LHFPL3: variants seen among roughly 807,000 people sequenced by gnomAD.
LHFPL3 encodes the protein LHFPL tetraspan subfamily member 3.
Under a neutral mutation model 19.3 loss-of-function variants are expected in LHFPL3, and 5 were observed. The ratio of observed to expected loss-of-function variants is 0.26; its 90% CI spans 0.14 to 0.54. LHFPL3 has a LOEUF of 0.54. LHFPL3 is among the 20% of genes least tolerant of loss of function. The pLI, the probability that LHFPL3 is intolerant of heterozygous loss-of-function variation, is 0.94. For missense variants in LHFPL3, 249 were observed against 307.4 expected, an observed-to-expected ratio of 0.81 and a Z score of 1.42; for synonymous variants, 133 against 126.2, an observed-to-expected ratio of 1.05 and a Z score of -0.36.
chr7:104,740,847 A>C (rs1793922873), intron 2 of LHFPL3, among the ~76,000 whole-genome samples: 1 of 152,214 alleles, frequency 6.6e-6, no homozygotes, highest in South Asian at 2.1e-4. Context: ...CACCATATAG[A>C]TTCAGGCTTT....
intron 1 of LHFPL3, among the ~76,000 whole-genome samples, chr7:104,395,703 C>G (rs940513867): frequency 3.3e-5 from 5 of 152,082 alleles, no homozygotes; most frequent in African/African-American, 4.8e-5. Context: ...CTGCTCTGTC[C>G]CAAACATTCA....
chr7:104,833,063 AATATATATAT>A lies in LHFPL3; in HGVS notation c.683-73123_683-73114del, dbSNP rs1562808180. Among the ~76,000 whole-genome samples the A allele has an allele frequency of 1.2e-3, 84 of 71,578 alleles. 3 individuals carry two copies. Among genetic ancestry groups the A allele is most frequent in the African/African-American group, 5.0e-3 (80 of 16,022 alleles). The allele number at this position is 71,578 out of a possible 152,430, so 47.0% of individuals were successfully genotyped here. A position where few individuals can be genotyped will look rare whatever the true frequency, so the allele number is the denominator to read the frequency against. ...TATATATTATATATATATTATATAT[AATATATATAT>A]TATATATATCTAATATATATAATAG... On this transcript the variant is annotated intron_variant, in intron 2 of 2. Transcript: ENST00000424859.
chr7:104,450,428 A>G (rs1032861785), intron 1 of LHFPL3, among the ~76,000 whole-genome samples: 1 of 152,178 alleles, frequency 6.6e-6, no homozygotes, highest in Non-Finnish European at 1.5e-5. Context: ...GTGCAGGGAC[A>G]TGGATGAAGC....
intron 1 of LHFPL3, among the ~76,000 whole-genome samples, chr7:104,559,159 G>A (rs1178756921): frequency 7.1e-6 from 1 of 140,734 alleles, no homozygotes; most frequent in African/African-American, 2.8e-5. Flanking sequence ...ACTTGGCGAT[G>A]CGGGCTCTTT....
intron 1 of LHFPL3, among the ~76,000 whole-genome samples, chr7:104,439,585 A>G (rs140517314): frequency 3.8e-4 from 58 of 152,274 alleles, no homozygotes; most frequent in Non-Finnish European, 6.9e-4. Context: ...CAAATACCAT[A>G]TGATTATCTC....
chr7:104,522,413 G>GC (rs11398628), intron 1 of LHFPL3, among the ~76,000 whole-genome samples: 70,337 of 131,884 alleles, frequency 0.53, 19,563 homozygotes, highest in Middle Eastern at 0.64. Context: ...GGGAGGGATG[G>GC]ATTGGGAGAT....
chr7:104,565,726 TC>T (rs1790107982), intron 1 of LHFPL3, among the ~76,000 whole-genome samples: 1 of 1,436 alleles, frequency 7.0e-4, no homozygotes, highest in Non-Finnish European at 1.2e-3. Flanking sequence ...TGTCTGTCTA[TC>T]TATCTATCTA....
chr7:104,348,627 A>G (rs1414039571), intron 1 of LHFPL3, among the ~76,000 whole-genome samples: 1 of 152,254 alleles, frequency 6.6e-6, no homozygotes, highest in Non-Finnish European at 1.5e-5. Flanking sequence ...AGAGCCAAGT[A>G]AACACTAACA....
intron 2 of LHFPL3, among the ~76,000 whole-genome samples, chr7:104,885,809 T>C (rs1792136416): frequency 6.6e-6 from 1 of 151,540 alleles, no homozygotes; most frequent in East Asian, 2.0e-4. Flanking sequence ...TAATGTCCCA[T>C]TGCATTGAAA....
intron 1 of LHFPL3, among the ~76,000 whole-genome samples, chr7:104,582,415 A>G (rs1237821664): frequency 6.6e-6 from 1 of 151,984 alleles, no homozygotes; most frequent in Non-Finnish European, 1.5e-5. Flanking sequence ...TTGTAAATAG[A>G]AACAGTTTTC....
At chr7:104,884,265 T>A (rs912887584) in intron 2 of LHFPL3, among the ~76,000 whole-genome samples, 1 of 152,198 alleles carries the variant, frequency 6.6e-6, no homozygotes, top group African/African-American at 2.4e-5. Context: ...CTCTTCCCCC[T>A]TCCTCTTTCC....
At chr7:104,599,175 A>G (rs1264232962) in intron 1 of LHFPL3, among the ~76,000 whole-genome samples, 2 of 152,210 alleles carry the variant, frequency 1.3e-5, no homozygotes, top group Admixed American at 6.5e-5. Context: ...AATGATCACA[A>G]GTTTGAAATT....
At chr7:104,671,766 A>G (rs12705259) in intron 1 of LHFPL3, among the ~76,000 whole-genome samples, 19,008 of 152,126 alleles carry the variant, frequency 0.12, 1,422 homozygotes, top group Non-Finnish European at 0.17. Flanking sequence ...AGGACCTTCT[A>G]GGCGCTGAGT....
Position 104,795,901 on chromosome 7 carries a change from G to T in LHFPL3, c.682+58990G>T, listed in dbSNP as rs144378207. On this transcript the variant is annotated intron_variant, in intron 2 of 2. Transcript: ENST00000424859. ...TACATTTAGGCAGCAAATGAGCCAG[G>T]ATGGGAGACATACAAAGTGTGTTAA... is the stretch of plus-strand genomic sequence containing the variant. 5.6e-4 allele frequency among the ~76,000 whole-genome samples: 85 copies of T among 152,312 alleles called. 1 individual carries two copies. Among genetic ancestry groups the T allele is most frequent in the East Asian group, 4.4e-3 (23 of 5,194 alleles).
intron 1 of LHFPL3, among the ~76,000 whole-genome samples, chr7:104,463,785 G>T (rs1040348035): frequency 2.6e-5 from 4 of 152,168 alleles, no homozygotes; most frequent in Non-Finnish European, 5.9e-5. Context: ...TCACTTCTGT[G>T]ACACATGGGG....
intron 2 of LHFPL3, among the ~76,000 whole-genome samples, chr7:104,739,811 C>T (rs1793898977): frequency 6.6e-6 from 1 of 152,136 alleles, no homozygotes; most frequent in South Asian, 2.1e-4. Context: ...CAAGACTTGG[C>T]TCAACAGAGC....
chr7:104,359,302 A>C (rs1047331953), intron 1 of LHFPL3, among the ~76,000 whole-genome samples: 3 of 152,244 alleles, frequency 2.0e-5, no homozygotes, highest in Admixed American at 1.3e-4. Context: ...TAGACACCTG[A>C]TAGAGCCTTC....
chr7:104,678,708 A>G (rs1018956124), intron 1 of LHFPL3, among the ~76,000 whole-genome samples: 85 of 152,226 alleles, frequency 5.6e-4, no homozygotes, highest in Admixed American at 4.8e-3. Context: ...ATTTAGATAT[A>G]ATTGTATAGC....
intron 2 of LHFPL3, among the ~76,000 whole-genome samples, chr7:104,900,166 C>A (rs1792455450): frequency 6.6e-6 from 1 of 152,176 alleles, no homozygotes; most frequent in Non-Finnish European, 1.5e-5. Context: ...TGGCTTCATG[C>A]CAAAACTGGA....
Sources: allele counts gnomAD v4.1 joint callset (sites outside exome capture counted in the v4.1 genomes callset), GRCh38; gene constraint gnomAD v4.1.1; transcripts MANE v1.5; gene names NCBI Gene and HGNC (gene_info 2026-07-23, HGNC 2026-07-21).